RPRD2: variants seen among roughly 807,000 people sequenced by gnomAD.
RPRD2 encodes regulation of nuclear pre-mRNA domain-containing protein 2.
In RPRD2, 12 loss-of-function variants were observed where a neutral mutation model predicts 104.4. The observed-to-expected ratio is 0.11, with a 90% CI of 0.07 to 0.19. The LOEUF (loss-of-function observed/expected upper bound fraction) is 0.19, where lower values mean the gene tolerates loss of function less well. Ranked by LOEUF, RPRD2 falls within the 10% of genes least tolerant of loss-of-function variation. The pLI, the probability that RPRD2 is intolerant of heterozygous loss-of-function variation, is 1.00. For synonymous variants in RPRD2, 714 were observed against 684.9 expected (o/e 1.04, Z -0.66); for missense variants, 1,543 against 1,790.1 (o/e 0.86, Z 2.49).
At chr1:150,377,167 C>T (rs146423251) in intron 1 of RPRD2, among the ~76,000 whole-genome samples, 1,631 of 150,034 alleles carry the variant, frequency 0.011, 37 homozygotes, top group African/African-American at 0.038. Flanking sequence ...GCTGAGATTA[C>T]GCCACTACAC....
chr1:150,365,005 C>A, intron 1 of RPRD2, 86 bp downstream of exon 1: 3 of 1,389,640 alleles, frequency 2.2e-6, no homozygotes, highest in South Asian at 1.3e-5. Flanking sequence ...TCCCACGGAG[C>A]CGCAGCATTT....
intron 1 of RPRD2, among the ~76,000 whole-genome samples, chr1:150,409,750 C>A (rs782713038): frequency 3.4e-5 from 5 of 147,084 alleles, no homozygotes; most frequent in African/African-American, 1.0e-4. Flanking sequence ...TGGGTTCAAG[C>A]GATTCAGCCT....
chr1:150,438,957 C>G (rs587600160), intron 2 of RPRD2, among the ~76,000 whole-genome samples: 2 of 152,270 alleles, frequency 1.3e-5, no homozygotes, highest in South Asian at 4.1e-4. Flanking sequence ...GCCTCAGCGT[C>G]CCGAGTAGCT....
chr1:150,376,635 G>A (rs1553879555), intron 1 of RPRD2, among the ~76,000 whole-genome samples: 1 of 151,614 alleles, frequency 6.6e-6, no homozygotes, highest in East Asian at 2.0e-4. Context: ...TGAGTAGCTG[G>A]GACTACAGGC....
chr1:150,450,311 G>GTATT (rs1372690063), intron 7 of RPRD2, among the ~76,000 whole-genome samples: 1 of 151,990 alleles, frequency 6.6e-6, no homozygotes, highest in Admixed American at 6.6e-5. Flanking sequence ...GTGTATGTAT[G>GTATT]TATTTATTTA....
Position 150,471,943 on chromosome 1 carries a change from T to G in RPRD2, c.2995T>G (p.Ser999Ala), listed in dbSNP as rs766136159. 9 of 1,613,970 alleles carry G rather than the reference T, an allele frequency of 5.6e-6. No individual in the cohort carries two copies. The highest frequency in any genetic ancestry group is 7.6e-6 in the Non-Finnish European group (9 of 1,179,886). Residue 999 changes from serine (S) to alanine (A), a missense_variant, in exon 11 of 11, where the codon TCC (serine) becomes GCC (alanine). Physicochemically the swap from Ser to Ala is moderately conservative, Grantham distance 99. Around this residue, in one of 4 missense-constraint regions of RPRD2, gnomAD observed 880 missense variants for 885.6 expected, o/e 0.99. Coordinates refer to ENST00000369068, the MANE Select transcript of RPRD2 (RefSeq NM_015203.5). This position sits in a 1 kb window ranked among gnomAD's most constrained non-coding sequence, Gnocchi z 5.3. Reference protein sequence around the residue: ...PTSGVEKVLASTISTTSTIEF... With the variant: ...PTSGVEKVLAATISTTSTIEF... ...GTCAGGCGTGGAGAAAGTCCTGGCC[T>G]CCACCATTTCCACCACGTCGACGAT...
chr1:150,449,398 GT>G (rs1333014514), intron 7 of RPRD2, among the ~76,000 whole-genome samples: 2 of 151,952 alleles, frequency 1.3e-5, no homozygotes, highest in African/African-American at 2.4e-5. Flanking sequence ...ATATGCTTGG[GT>G]TTAAGTCTAC....
rs1661661325 is a variant in RPRD2 at position 150,387,566 on chromosome 1, C to CTT, written c.205+22647_205+22648insTT. 5.1e-4 allele frequency among the ~76,000 whole-genome samples: 36 copies of CTT among 70,130 alleles called. 1 individual carries two copies. The highest frequency in any genetic ancestry group is 1.2e-3 in the South Asian group (2 of 1,720). 46.0% of individuals were successfully genotyped at this position (70,130 alleles called of 152,430 possible). On this transcript the variant is annotated intron_variant, in intron 1 of 10. Coordinates refer to ENST00000369068, the MANE Select transcript of RPRD2 (RefSeq NM_015203.5). ...TAAATCTTACAGAAGTTGCAACAGA[C>CTT]CTTTTTTTTTTTTTTTTTTTTTTTT...
intron 1 of RPRD2, among the ~76,000 whole-genome samples, chr1:150,407,932 A>G (rs1553886901): frequency 2.0e-5 from 3 of 151,940 alleles, no homozygotes; most frequent in Non-Finnish European, 1.5e-5. Flanking sequence ...GTGTGGAGAC[A>G]GGACCTTGCC....
rs1668145193 is a variant in RPRD2 at position 150,464,575 on chromosome 1, G to A, written c.1460G>A (p.Ser487Asn). ...TCTCCAGGAACGCCCACCAGCCCCA[G>A]CAACCTCACCAGTGGCCTGAAAACA... is the stretch of plus-strand genomic sequence containing the variant. Reference protein sequence around the residue: ...RPSPGTPTSPSNLTSGLKTPA... With the variant: ...RPSPGTPTSPNNLTSGLKTPA... Residue 487 changes from serine (S) to asparagine (N), a missense_variant, in exon 10 of 11, where the codon AGC (serine) becomes AAC (asparagine). Coordinates refer to ENST00000369068, the MANE Select transcript of RPRD2 (RefSeq NM_015203.5). The A allele has an allele frequency of 6.2e-7, 1 of 1,607,354 alleles. No homozygotes were observed. The highest frequency in any genetic ancestry group is 1.3e-5 in the African/African-American group (1 of 74,836).
intron 1 of RPRD2, among the ~76,000 whole-genome samples, chr1:150,384,469 A>G (rs1168779844): frequency 7.5e-6 from 1 of 134,174 alleles, no homozygotes; most frequent in Non-Finnish European, 1.5e-5. Context: ...TATTATTATT[A>G]TTATTATTAT....
chr1:150,470,267 G>GA, intron 10 of RPRD2, among the ~76,000 whole-genome samples: 1 of 152,136 alleles, frequency 6.6e-6, no homozygotes, highest in Non-Finnish European at 1.5e-5. Context: ...CTTAAACTAT[G>GA]AATGATTCTG....
At chr1:150,404,326 A>T in intron 1 of RPRD2, among the ~76,000 whole-genome samples, 1 of 152,004 alleles carries the variant, frequency 6.6e-6, no homozygotes, top group South Asian at 2.1e-4. Flanking sequence ...CACTCACTGC[A>T]ACCTCTGCCT....
intron 2 of RPRD2, among the ~76,000 whole-genome samples, chr1:150,437,977 TAAA>T (rs35517552): frequency 6.2e-5 from 8 of 129,616 alleles, no homozygotes; most frequent in African/African-American, 1.7e-4. Flanking sequence ...TGTCATTATT[TAAA>T]AAAAAAAAAA....
intron 1 of RPRD2, among the ~76,000 whole-genome samples, chr1:150,371,884 C>T (rs1660330282): frequency 6.6e-6 from 1 of 152,126 alleles, no homozygotes; most frequent in Non-Finnish European, 1.5e-5. Context: ...ATTAACTAGA[C>T]TATCAAGATT....
chr1:150,471,529 A>G lies in RPRD2; in HGVS notation c.2581A>G (p.Ser861Gly). The G allele has an allele frequency of 6.2e-7, 1 of 1,613,838 alleles. No individual in the cohort carries two copies. The highest frequency in any genetic ancestry group is 8.5e-7 in the Non-Finnish European group (1 of 1,179,860). The change falls in exon 11 of 11, where the codon AGC becomes GGC. Residue 861 changes from serine to glycine, a missense_variant. Coordinates refer to ENST00000369068, the MANE Select transcript of RPRD2 (RefSeq NM_015203.5). The surrounding 1 kb of genome is among the most constrained non-coding windows in gnomAD (Gnocchi z 5.3). ...ACCAGCCAAATCTATCCTGAAATCAAGCAAGCTGTCTGATACCACCGAGTA... is the reference window on the plus strand; with the variant it reads ...ACCAGCCAAATCTATCCTGAAATCAGGCAAGCTGTCTGATACCACCGAGTA... ...KKPAKSILKS[S>G]KLSDTTEYQP...
chr1:150,442,904 G>A (rs587616114), intron 4 of RPRD2, among the ~76,000 whole-genome samples: 35 of 151,506 alleles, frequency 2.3e-4, no homozygotes, highest in Admixed American at 2.6e-4. Flanking sequence ...CTTAATTTGA[G>A]GTATTTAGAT....
At chr1:150,464,381 T>TTTC in intron 9 of RPRD2, 146 bp from the exon 10 acceptor site, 14 of 509,074 alleles carry the variant, frequency 2.8e-5, no homozygotes, top group South Asian at 1.1e-4. Context: ...TTTTTTTTTG[T>TTTC]ACATGTCATG....
At chr1:150,417,531 G>A (rs1664436734) in intron 1 of RPRD2, 65 bp from the exon 2 acceptor site, 1 of 1,316,062 alleles carries the variant, frequency 7.6e-7, no homozygotes, top group African/African-American at 1.5e-5. Flanking sequence ...ACTGTATTTG[G>A]AATAAGTTGA....
Sources: gnomAD v4.1 joint callset for allele counts (sites outside exome capture counted in the v4.1 genomes callset) on GRCh38, gnomAD v4.1.1 for gene constraint, gnomAD v4.1.1 regional missense constraint, Gnocchi (gnomAD v3.1) non-coding constraint, MANE v1.5 for transcripts, NCBI Gene and HGNC (gene_info 2026-07-23, HGNC 2026-07-21) for gene names.